The following ZNF827 variants were observed in gnomAD, a reference collection of about 807,000 sequenced individuals.
ZNF827 encodes the protein zinc finger protein 827.
ZNF827 carries 13 observed loss-of-function variants against 102.4 expected under a neutral mutation model. That is an observed-to-expected ratio of 0.13 (90% CI 0.08 to 0.20). The LOEUF (loss-of-function observed/expected upper bound fraction) is 0.20. ZNF827 is among the 10% of genes least tolerant of loss of function. ZNF827 has a pLI of 1.00. For missense variants in ZNF827, 1,103 were observed against 1,344.4 expected, an observed-to-expected ratio of 0.82 and a Z score of 2.81; for synonymous variants, 523 against 536.2, an observed-to-expected ratio of 0.98 and a Z score of 0.34.
At chr4:145,766,459 G>T (rs940762593) in intron 11 of ZNF827, among the ~76,000 whole-genome samples, 5 of 152,188 alleles carry the variant, frequency 3.3e-5, no homozygotes, top group Non-Finnish European at 7.3e-5. Context: ...CAAAAGAGGT[G>T]AGCCATATGA....
intron 8 of ZNF827, among the ~76,000 whole-genome samples, chr4:145,789,027 A>G (rs1368591177): frequency 1.3e-5 from 2 of 152,232 alleles, no homozygotes; most frequent in Non-Finnish European, 1.5e-5. Context: ...ACATAGTTCT[A>G]GACAATGAGA....
At chr4:145,838,071 C>T (rs1560982596) in intron 7 of ZNF827, among the ~76,000 whole-genome samples, 2 of 152,090 alleles carry the variant, frequency 1.3e-5, no homozygotes, top group Non-Finnish European at 2.9e-5. Context: ...GCCTCTGAGC[C>T]CAAGCCAAAC....
chr4:145,788,174 T>C (rs1739162989), intron 8 of ZNF827, among the ~76,000 whole-genome samples: 1 of 152,198 alleles, frequency 6.6e-6, no homozygotes, highest in Admixed American at 6.5e-5. Context: ...TTTTTTTTGC[T>C]TAGTGCTAGG....
At chr4:145,775,758 G>C in intron 10 of ZNF827, 31 bp downstream of exon 10, 1 of 1,612,598 alleles carries the variant, frequency 6.2e-7, no homozygotes, top group Middle Eastern at 1.7e-4. Context: ...GTCTGAGAAA[G>C]GCGGACTAGC....
intron 6 of ZNF827, among the ~76,000 whole-genome samples, chr4:145,848,249 T>C (rs1232843671): frequency 1.3e-5 from 2 of 152,234 alleles, no homozygotes; most frequent in Non-Finnish European, 2.9e-5. Context: ...GTTTACAGAA[T>C]TAGTGATTTC....
chr4:145,847,828 C>T (rs185202570), intron 6 of ZNF827, among the ~76,000 whole-genome samples: 22 of 152,310 alleles, frequency 1.4e-4, no homozygotes, highest in African/African-American at 5.3e-4. Context: ...AGATTTGCAA[C>T]ACCCGTCTCA....
chr4:145,761,065 G>A lies in ZNF827; in HGVS notation c.*551C>T, dbSNP rs1361813352. ...GGCCACGGTCTGCAGAGCCTGGGAG[G>A]CAGACATAACTGACAGGGGAGACAG... is the stretch of plus-strand genomic sequence containing the variant. On this transcript the variant is annotated 3_prime_UTR_variant, in exon 15 of 15. Transcript: ENST00000508784. This position sits in a 1 kb window ranked among gnomAD's most constrained non-coding sequence, Gnocchi z 6.8. 2 of 1,289,292 alleles carry A rather than the reference G, an allele frequency of 1.6e-6. No homozygotes were observed. Among genetic ancestry groups the A allele is most frequent in the Non-Finnish European group, 1.0e-6 (1 of 988,588 alleles). 79.9% of individuals were successfully genotyped at this position (1,289,292 alleles called of 1,614,324 possible).
chr4:145,916,486 A>G (rs539321608), intron 1 of ZNF827, among the ~76,000 whole-genome samples: 1 of 152,140 alleles, frequency 6.6e-6, no homozygotes, highest in East Asian at 1.9e-4. Context: ...TCCTTTCCCC[A>G]GGCCTTGGCA....
chr4:145,839,880 A>G (rs1442811756), intron 7 of ZNF827, among the ~76,000 whole-genome samples: 4 of 152,276 alleles, frequency 2.6e-5, no homozygotes, highest in African/African-American at 9.6e-5. Flanking sequence ...AGAAAGGCAC[A>G]GCCCTCTTCA....
chr4:145,914,436 T>C (rs1442959262), intron 1 of ZNF827, among the ~76,000 whole-genome samples: 2 of 152,160 alleles, frequency 1.3e-5, no homozygotes, highest in Non-Finnish European at 2.9e-5. Flanking sequence ...CAAAGGACAA[T>C]CCATTTCAAG....
At chr4:145,776,670 G>A (rs998708818) in intron 9 of ZNF827, among the ~76,000 whole-genome samples, 4 of 151,906 alleles carry the variant, frequency 2.6e-5, no homozygotes, top group East Asian at 1.9e-4. Context: ...CAGGGGAGGG[G>A]GAATAAAACA....
chr4:145,924,713 C>A (rs1579582938), intron 1 of ZNF827, among the ~76,000 whole-genome samples: 1 of 152,230 alleles, frequency 6.6e-6, no homozygotes, highest in African/African-American at 2.4e-5. Context: ...GAAACTACCA[C>A]ACCTCACAGT....
chr4:145,767,430 G>C (rs1050183380), intron 11 of ZNF827, among the ~76,000 whole-genome samples: 1 of 152,108 alleles, frequency 6.6e-6, no homozygotes, highest in African/African-American at 2.4e-5. Flanking sequence ...TGGAATCCCT[G>C]GTGGGGTGGG....
chr4:145,938,233 G>A (rs1754379665), intron 1 of ZNF827, 132 bp downstream of exon 1: 3 of 1,072,252 alleles, frequency 2.8e-6, no homozygotes, highest in South Asian at 2.6e-5. Context: ...AGTAACCCGG[G>A]CTGTGTCTTT....
At chr4:145,842,013 A>G (rs1331238191) in intron 7 of ZNF827, among the ~76,000 whole-genome samples, 2 of 152,188 alleles carry the variant, frequency 1.3e-5, no homozygotes, top group Non-Finnish European at 2.9e-5. Flanking sequence ...GGGAGGGGGA[A>G]GTAGAGGAGG....
intron 4 of ZNF827, among the ~76,000 whole-genome samples, chr4:145,872,987 G>A (rs1281532649): frequency 3.6e-5 from 5 of 139,444 alleles, no homozygotes; most frequent in Non-Finnish European, 6.1e-5. Flanking sequence ...CCAGGCTGTA[G>A]TGCAGTGGCA....
At chr4:145,795,641 C>T (rs1168599792) in intron 8 of ZNF827, among the ~76,000 whole-genome samples, 1 of 152,228 alleles carries the variant, frequency 6.6e-6, no homozygotes, top group African/African-American at 2.4e-5. Flanking sequence ...GATCTCACTG[C>T]ATGAATTAGG....
intron 1 of ZNF827, among the ~76,000 whole-genome samples, chr4:145,923,560 A>C (rs1753225761): frequency 1.3e-5 from 2 of 152,062 alleles, no homozygotes; most frequent in African/African-American, 4.8e-5. Flanking sequence ...CAGAGGCTGC[A>C]CCACTGCACT....
chr4:145,764,859 C>G (rs751332719), intron 13 of ZNF827, 129 bp downstream of exon 13: 1 of 1,293,518 alleles, frequency 7.7e-7, no homozygotes, highest in African/African-American at 1.5e-5. Context: ...GGGTTCCTGA[C>G]TAACTCCTCT....
Sources: allele counts gnomAD v4.1 joint callset (sites outside exome capture counted in the v4.1 genomes callset), GRCh38; gene constraint gnomAD v4.1.1; non-coding constraint Gnocchi (gnomAD v3.1); transcripts MANE v1.5; gene names NCBI Gene and HGNC (gene_info 2026-07-23, HGNC 2026-07-21).